The following CTNNA3 variants were observed in gnomAD, a reference collection of about 807,000 sequenced individuals.
CTNNA3 encodes the protein catenin alpha-3.
CTNNA3 carries 76 observed loss-of-function variants against 95.7 expected under a neutral mutation model. The ratio of observed to expected loss-of-function variants is 0.79; its 90% confidence interval spans 0.66 to 0.96. The LOEUF (loss-of-function observed/expected upper bound fraction) is 0.96, where lower values mean the gene tolerates loss of function less well. Among genes scored for constraint, CTNNA3 ranks in the 40% least tolerant of loss-of-function variants. The probability of loss-of-function intolerance (pLI) is 0.00; values close to 1 mark genes in which losing one functional copy is unlikely to be tolerated. For missense variants in CTNNA3, 1,191 were observed against 1,089.8 expected, an observed-to-expected ratio of 1.09 and a Z score of -1.31; for synonymous variants, 431 against 374.4, an observed-to-expected ratio of 1.15 and a Z score of -1.74.
At chr10:66,464,085 C>T (rs757703626) in intron 11 of CTNNA3, among the ~76,000 whole-genome samples, 3 of 151,758 alleles carry the variant, frequency 2.0e-5, no homozygotes, top group Non-Finnish European at 2.9e-5. Context: ...TTAGATACTC[C>T]CAAGAGTTAC....
At chr10:67,212,493 T>C (rs1864179137) in intron 6 of CTNNA3, among the ~76,000 whole-genome samples, 1 of 151,928 alleles carries the variant, frequency 6.6e-6, no homozygotes, top group African/African-American at 2.4e-5. Flanking sequence ...TTGACATGTA[T>C]TACTATAATT....
At chr10:66,178,399 GTA>G (rs71035113) in intron 13 of CTNNA3, among the ~76,000 whole-genome samples, 3,680 of 90,474 alleles carry the variant, frequency 0.041, 90 homozygotes, top group East Asian at 0.047. Flanking sequence ...CCTTGAAAGT[GTA>G]TATATATATA....
At chr10:66,754,248 T>A (rs1564660260) in intron 9 of CTNNA3, among the ~76,000 whole-genome samples, 1 of 152,188 alleles carries the variant, frequency 6.6e-6, no homozygotes, top group African/African-American at 2.4e-5. Flanking sequence ...GATTTATTTA[T>A]AGCAATGTAA....
intron 3 of CTNNA3, among the ~76,000 whole-genome samples, chr10:67,576,412 T>A (rs1360942661): frequency 6.6e-6 from 1 of 152,126 alleles, no homozygotes; most frequent in Non-Finnish European, 1.5e-5. Flanking sequence ...GTATAGTTGT[T>A]AATAGTTTTC....
At chr10:67,057,108 T>C (rs1360780587) in intron 7 of CTNNA3, among the ~76,000 whole-genome samples, 1 of 152,228 alleles carries the variant, frequency 6.6e-6, no homozygotes, top group Non-Finnish European at 1.5e-5. Context: ...TCTAAAACAT[T>C]GTCTTTCAAT....
chr10:66,013,662 A>G (rs183668234), intron 15 of CTNNA3, among the ~76,000 whole-genome samples: 1 of 152,340 alleles, frequency 6.6e-6, no homozygotes, highest in Non-Finnish European at 1.5e-5. Context: ...TTATTTCAGC[A>G]TTGAATTTTA....
chr10:65,995,111 T>G (rs2133346594), intron 15 of CTNNA3, among the ~76,000 whole-genome samples: 1 of 152,244 alleles, frequency 6.6e-6, no homozygotes, highest in Admixed American at 6.5e-5. Context: ...CTCACTGAGC[T>G]TCTTTAATAT....
intron 2 of CTNNA3, among the ~76,000 whole-genome samples, chr10:67,620,659 C>T (rs1024320649): frequency 6.6e-6 from 1 of 152,016 alleles, no homozygotes; most frequent in Admixed American, 6.6e-5. Context: ...AGGAAAGCTA[C>T]ATTAAATGTT....
intron 15 of CTNNA3, among the ~76,000 whole-genome samples, chr10:66,031,403 C>T (rs1196330870): frequency 6.6e-6 from 1 of 152,146 alleles, no homozygotes; most frequent in Admixed American, 6.5e-5. Context: ...ATATCTTTTG[C>T]AGCAACGTAG....
chr10:66,910,597 CA>C (rs1016095261), intron 7 of CTNNA3, among the ~76,000 whole-genome samples: 2 of 152,148 alleles, frequency 1.3e-5, no homozygotes, highest in African/African-American at 4.8e-5. Context: ...AAGACAGTCA[CA>C]AGGTAGCATG....
At chr10:66,022,527 G>A (rs1227850934) in intron 15 of CTNNA3, among the ~76,000 whole-genome samples, 1 of 151,850 alleles carries the variant, frequency 6.6e-6, no homozygotes, top group Non-Finnish European at 1.5e-5. Context: ...ACAGGCAAAG[G>A]GGAAAGAGGA....
rs919761170 is a variant in CTNNA3, at chr10:65,915,977, T to A, written c.*4353A>T. 5 of 152,172 alleles carry A rather than the reference T, an allele frequency of 3.3e-5. No homozygotes were observed. Among genetic ancestry groups the A allele is most frequent in the African/African-American group, 1.2e-4 (5 of 41,442 alleles). 9.4% of individuals were successfully genotyped at this position (152,172 alleles called of 1,614,324 possible). A position where few individuals can be genotyped will look rare whatever the true frequency, so the allele number is the denominator to read the frequency against. On this transcript the variant is annotated 3_prime_UTR_variant, in exon 18 of 18. Transcript: ENST00000433211. ...TTAACTACAACTAGTTTTAATAGCATCCATGTTTTCTTTCCTAATTAAAAC... is the reference window on the plus strand; with the variant it reads ...TTAACTACAACTAGTTTTAATAGCAACCATGTTTTCTTTCCTAATTAAAAC...
At chr10:66,328,864 G>C (rs1463272382) in intron 12 of CTNNA3, among the ~76,000 whole-genome samples, 1 of 129,804 alleles carries the variant, frequency 7.7e-6, no homozygotes, top group Admixed American at 8.6e-5. Flanking sequence ...CAGTGAAGCA[G>C]GAAAAAGAGG....
At chr10:67,632,690 T>G (rs60275578) in intron 2 of CTNNA3, among the ~76,000 whole-genome samples, 20,230 of 152,000 alleles carry the variant, frequency 0.13, 2,426 homozygotes, top group African/African-American at 0.32. Context: ...GATCAGGAGA[T>G]CCTCTCGTGA....
At chr10:65,980,374 C>A (rs879202734) in intron 16 of CTNNA3, among the ~76,000 whole-genome samples, 1 of 151,754 alleles carries the variant, frequency 6.6e-6, no homozygotes, top group Non-Finnish European at 1.5e-5. Context: ...CAGGACCAGA[C>A]AAATTCACAG....
At chr10:66,250,631 G>A (rs948521978) in intron 13 of CTNNA3, among the ~76,000 whole-genome samples, 3 of 145,582 alleles carry the variant, frequency 2.1e-5, no homozygotes, top group African/African-American at 7.5e-5. Context: ...TGGATACACT[G>A]CAGCTATAGT....
At chr10:66,537,207 G>A (rs1478284939) in intron 10 of CTNNA3, among the ~76,000 whole-genome samples, 1 of 152,110 alleles carries the variant, frequency 6.6e-6, no homozygotes, top group Non-Finnish European at 1.5e-5. Context: ...AAGAAAAGGT[G>A]GCAATCAGCT....
intron 17 of CTNNA3, among the ~76,000 whole-genome samples, chr10:65,962,739 A>G (rs1399915640): frequency 1.8e-5 from 2 of 113,996 alleles, no homozygotes; most frequent in Non-Finnish European, 3.4e-5. Context: ...CCAGTGAGTG[A>G]TGTTCCCCTC....
intron 5 of CTNNA3, among the ~76,000 whole-genome samples, chr10:67,451,211 T>C (rs1229781777): frequency 6.6e-6 from 1 of 152,162 alleles, no homozygotes; most frequent in Non-Finnish European, 1.5e-5. Flanking sequence ...ATGACACTCA[T>C]TAGATACAGC....
Sources: gnomAD v4.1 joint callset for allele counts (sites outside exome capture counted in the v4.1 genomes callset) on GRCh38, gnomAD v4.1.1 for gene constraint, MANE v1.5 for transcripts, NCBI Gene and HGNC (gene_info 2026-07-23, HGNC 2026-07-21) for gene names.